Variants in SMG1 observed in about 807,000 individuals in gnomAD.
SMG1 encodes the protein serine/threonine-protein kinase SMG1.
A neutral mutation model predicts 419.9 loss-of-function variants in SMG1; 22 were observed. That is an observed-to-expected ratio of 0.05 (90% CI 0.04 to 0.07). The LOEUF (loss-of-function observed/expected upper bound fraction) is 0.07. Among genes scored for constraint, SMG1 ranks in the 10% least tolerant of loss-of-function variants. The pLI is 1.00. For missense variants in SMG1, 3,185 were observed against 4,342.0 expected, an observed-to-expected ratio of 0.73 and a Z score of 7.49; for synonymous variants, 1,538 against 1,553.5, an observed-to-expected ratio of 0.99 and a Z score of 0.23.
intron 2 of SMG1, 90 bp downstream of exon 2, chr16:18,896,703 A>C (rs1161940137): frequency 4.5e-6 from 4 of 883,204 alleles, no homozygotes; most frequent in East Asian, 2.6e-5. Context: ...ATATTAGAAG[A>C]AAGCAAGAAA....
intron 51 of SMG1, among the ~76,000 whole-genome samples, chr16:18,831,774 CATAT>C (rs67247211): frequency 0.013 from 1,628 of 129,262 alleles, 43 homozygotes; most frequent in African/African-American, 0.046. Flanking sequence ...AAAAAAAATA[CATAT>C]ATATATATAT....
chr16:18,820,985 A>G (rs1249518447), intron 55 of SMG1, among the ~76,000 whole-genome samples: 2 of 152,210 alleles, frequency 1.3e-5, no homozygotes, highest in Non-Finnish European at 2.9e-5. Flanking sequence ...TCCAGTCACT[A>G]TAATAGTTCA....
chr16:18,816,670 A>T, intron 57 of SMG1, 141 bp from the exon 58 acceptor site: 1 of 647,094 alleles, frequency 1.5e-6, no homozygotes, highest in Non-Finnish European at 2.6e-6. Context: ...TTAATTACCT[A>T]CAAGTTACTT....
chr16:18,842,565 C>G (rs1471987011), intron 39 of SMG1, 111 bp from the exon 40 acceptor site: 14 of 1,083,068 alleles, frequency 1.3e-5, no homozygotes, highest in South Asian at 3.1e-5. Flanking sequence ...CAGCTCATGC[C>G]TGTAATCCCA....
intron 1 of SMG1, among the ~76,000 whole-genome samples, chr16:18,913,650 T>C (rs895461330): frequency 6.6e-6 from 1 of 151,996 alleles, no homozygotes; most frequent in African/African-American, 2.4e-5. Context: ...AAATATTAAG[T>C]TTAACAACTT....
intron 58 of SMG1, chr16:18,816,082 A>G (rs1356364510): frequency 1.8e-6 from 1 of 560,696 alleles, no homozygotes; most frequent in Non-Finnish European, 3.1e-6. Flanking sequence ...AAAGGAATCT[A>G]ATTAAGCCTT....
At chr16:18,837,506 CAGA>C (rs2033651129) in intron 45 of SMG1, 63 bp from the exon 46 acceptor site, 2 of 1,396,948 alleles carry the variant, frequency 1.4e-6, no homozygotes, top group East Asian at 2.3e-5. Flanking sequence ...ACAACAGTGT[CAGA>C]AGAACATTTT....
chr16:18,815,237 T>A lies in SMG1; in HGVS notation c.10559A>T (p.Asp3520Val). 6.3e-7 allele frequency: 1 copy of A among 1,595,378 alleles called. No homozygotes were observed. Residue 3520 changes from aspartate (D) to valine (V), a missense_variant, in exon 60 of 63, where the codon GAT becomes GTT. Asp to Val is a radical substitution (Grantham distance 152). Coordinates refer to ENST00000446231, the MANE Select transcript of SMG1 (RefSeq NM_015092.5). ...TGGACTCGAACATTCATTTGTTGCA[T>A]CGGTGACTAAGGGTGATGCAAAACT... ...LVSFASPLVT[D>V]ATNECSSPTS...
chr16:18,834,181 A>T (rs1296216346), intron 50 of SMG1, 23 bp downstream of exon 50: 2 of 1,494,756 alleles, frequency 1.3e-6, no homozygotes, highest in South Asian at 2.4e-5. Context: ...AAACAAACTA[A>T]TATTTAAAAT....
intron 56 of SMG1, 116 bp from the exon 57 acceptor site, chr16:18,817,586 T>C (rs2032130322): frequency 1.3e-5 from 11 of 834,844 alleles, no homozygotes; most frequent in Non-Finnish European, 2.0e-5. Flanking sequence ...AGGACCAGAA[T>C]TGGTCCTGAA....
chr16:18,925,004 G>C (rs930563678), intron 1 of SMG1: 1 of 152,090 alleles, frequency 6.6e-6, no homozygotes, highest in African/African-American at 2.4e-5. Context: ...AGAGTTCCAT[G>C]AATCAATTAC....
intron 15 of SMG1, 100 bp from the exon 16 acceptor site, chr16:18,871,582 CA>C (rs532282503): frequency 1.4e-4 from 66 of 467,686 alleles, no homozygotes; most frequent in African/African-American, 1.1e-3. Context: ...CTTGGTTTTT[CA>C]AACATCTCAA....
intron 50 of SMG1, among the ~76,000 whole-genome samples, chr16:18,833,979 A>ATTCCAGTTT (rs772274655): frequency 2.4e-4 from 36 of 152,258 alleles, no homozygotes; most frequent in Non-Finnish European, 4.6e-4. Flanking sequence ...ACTTGACTTG[A>ATTCCAGTTT]TTCCAGTTTT....
rs1458986072 is a variant in SMG1, at chr16:18,839,959, C to A, written c.6697-13G>T. The stretch of plus-strand genomic sequence containing the variant: ...AGGAATCTTGGGCCTTAAGAAAAAA[C>A]AATTTTTTTAAAAAAGAAAAGATCA... On this transcript the variant is annotated splice_polypyrimidine_tract_variant and intron_variant, in intron 41 of 62. Transcript: ENST00000446231. The A allele has an allele frequency of 2.0e-6, 3 of 1,517,738 alleles. No individual in the cohort carries two copies. Among genetic ancestry groups the A allele is most frequent in the Non-Finnish European group, 1.8e-6 (2 of 1,130,826 alleles). The allele number at this position is 1,517,738 out of a possible 1,614,324, so 94.0% of individuals were successfully genotyped here.
chr16:18,853,393 A>G (rs930239328), intron 31 of SMG1, among the ~76,000 whole-genome samples, 190 bp downstream of exon 31: 1 of 152,216 alleles, frequency 6.6e-6, no homozygotes, highest in African/African-American at 2.4e-5. Flanking sequence ...CTGGGGGCAG[A>G]GTTCAGTGAC....
intron 41 of SMG1, among the ~76,000 whole-genome samples, chr16:18,841,261 G>A (rs2033902475): frequency 6.6e-6 from 1 of 151,862 alleles, no homozygotes; most frequent in Admixed American, 6.6e-5. Context: ...TTACCCAGGT[G>A]TGGTTGTGCG....
Position 18,854,740 on chromosome 16 carries a change from T to C in SMG1, c.4399A>G (p.Lys1467Glu). The C allele has an allele frequency of 1.9e-6, 3 of 1,614,032 alleles. No individual in the cohort carries two copies. The highest frequency in any genetic ancestry group is 1.6e-4 in the Middle Eastern group (1 of 6,062). ...ACTTGACCTTGGGTTGATAGTTTTT[T>C]AAAATGTTGGACTAAATCCTGTGCA... is the stretch of plus-strand genomic sequence containing the variant. Reference protein sequence around the residue: ...TTAQDLVQHFKKLSTQGQVDE... With the variant: ...TTAQDLVQHFEKLSTQGQVDE... The change falls in exon 30 of 63, where the codon AAA becomes GAA. Residue 1467 changes from lysine (K) to glutamate (E), a missense_variant. Around this residue, in one of 27 missense-constraint regions of SMG1, gnomAD observed 493 missense variants for 552.9 expected, o/e 0.89. Coordinates refer to ENST00000446231, the MANE Select transcript of SMG1 (RefSeq NM_015092.5).
At chr16:18,862,544 A>G (rs2035268655) in intron 25 of SMG1, among the ~76,000 whole-genome samples, 1 of 152,194 alleles carries the variant, frequency 6.6e-6, no homozygotes, top group Non-Finnish European at 1.5e-5. Flanking sequence ...TACAAATCTT[A>G]AAACATGGCT....
At position 18,852,083 on chromosome 16, in the gene SMG1, C is replaced by T. The variant is rs371946911; in HGVS notation, c.5036G>A (p.Arg1679Gln). ...TTTCCTTGCCTGAATCCCCGCCGGCCGACACACAGCCTGTCCAAGAATACC... is the reference window on the plus strand; with the variant it reads ...TTTCCTTGCCTGAATCCCCGCCGGCTGACACACAGCCTGTCCAAGAATACC... Reference protein sequence around the residue: ...IYGILGQAVCRPAGIQDEDIT... With the variant: ...IYGILGQAVCQPAGIQDEDIT... Residue 1679 changes from arginine (R) to glutamine (Q), a missense_variant, in exon 33 of 63, where the codon CGG becomes CAG. Physicochemically the swap from Arg to Gln is conservative, Grantham distance 43. This residue lies in a region of SMG1 where 493 missense variants were observed against 552.9 expected (regional missense o/e 0.89). Transcript: ENST00000446231. 1.2e-5 allele frequency: 19 copies of T among 1,609,366 alleles called. No homozygotes were observed. The highest frequency in any genetic ancestry group is 4.0e-5 in the African/African-American group (3 of 74,714).
Sources: allele counts gnomAD v4.1 joint callset (sites outside exome capture counted in the v4.1 genomes callset), GRCh38; gene constraint gnomAD v4.1.1; regional missense constraint gnomAD v4.1.1; transcripts MANE v1.5; gene names NCBI Gene and HGNC (gene_info 2026-07-23, HGNC 2026-07-21).